Variants in PTPRT observed in about 807,000 individuals in gnomAD.
The protein encoded by PTPRT is receptor-type tyrosine-protein phosphatase T.
PTPRT carries 56 observed loss-of-function variants against 176.8 expected under a neutral mutation model. The observed-to-expected ratio is 0.32, with a 90% CI of 0.26 to 0.40. The LOEUF (loss-of-function observed/expected upper bound fraction) is 0.40. PTPRT is among the 10% of genes least tolerant of loss of function. The probability of loss-of-function intolerance (pLI) is 1.00; values close to 1 mark genes in which losing one functional copy is unlikely to be tolerated. For synonymous variants in PTPRT, 783 were observed against 739.0 expected (o/e 1.06, Z -0.96); for missense variants, 1,540 against 1,908.2 (o/e 0.81, Z 3.60).
At chr20:42,995,534 C>T (rs557313906) in intron 1 of PTPRT, among the ~76,000 whole-genome samples, 1 of 152,068 alleles carries the variant, frequency 6.6e-6, no homozygotes, top group South Asian at 2.1e-4. Context: ...CTCCTTGGGC[C>T]CAATGTGCCA....
intron 17 of PTPRT, among the ~76,000 whole-genome samples, chr20:42,159,676 A>G (rs943256467): frequency 6.6e-6 from 1 of 152,188 alleles, no homozygotes; most frequent in Non-Finnish European, 1.5e-5. Context: ...TATTTTACTT[A>G]GACCGTTTTT....
chr20:42,300,224 C>T (rs917660894), intron 12 of PTPRT, among the ~76,000 whole-genome samples: 38 of 145,708 alleles, frequency 2.6e-4, no homozygotes, highest in Non-Finnish European at 4.9e-4. Flanking sequence ...CGCCATTGTA[C>T]TCCGGCCTGG....
intron 9 of PTPRT, among the ~76,000 whole-genome samples, chr20:42,401,731 G>T (rs2058910260): frequency 6.6e-6 from 1 of 151,732 alleles, no homozygotes; most frequent in African/African-American, 2.4e-5. Context: ...CCCAGTACAG[G>T]CTTAACCAAA....
At chr20:42,491,676 C>T (rs1441400980) in intron 7 of PTPRT, among the ~76,000 whole-genome samples, 1 of 152,178 alleles carries the variant, frequency 6.6e-6, no homozygotes, top group Non-Finnish European at 1.5e-5. Context: ...GAGAGTGAAT[C>T]CTCGTCACAC....
At chr20:43,130,728 C>T (rs1373252868) in intron 1 of PTPRT, among the ~76,000 whole-genome samples, 2 of 150,480 alleles carry the variant, frequency 1.3e-5, no homozygotes, top group Non-Finnish European at 2.9e-5. Flanking sequence ...AGGCCAAGGG[C>T]TCTGAGAGTC....
intron 12 of PTPRT, among the ~76,000 whole-genome samples, chr20:42,300,551 T>C (rs780611815): frequency 7.2e-5 from 11 of 151,840 alleles, no homozygotes; most frequent in Admixed American, 1.3e-4. Flanking sequence ...CTGGGACAAT[T>C]TGAGCATAAA....
intron 1 of PTPRT, among the ~76,000 whole-genome samples, chr20:43,069,891 T>C (rs1048242282): frequency 2.6e-5 from 4 of 152,110 alleles, no homozygotes; most frequent in Non-Finnish European, 5.9e-5. Context: ...TGGAAAAGCA[T>C]CCTATTTTGC....
the PTPRT span, among the ~76,000 whole-genome samples, chr20:42,067,168 A>G: frequency 1.3e-5 from 2 of 152,020 alleles, no homozygotes; most frequent in East Asian, 3.9e-4. Flanking sequence ...AAGGGAAGGG[A>G]TAGTTGAGAT....
In PTPRT at chr20:42,783,375, C is replaced by CAA. The variant is rs11321200; in HGVS notation, c.487-3078_487-3077dup. 1.5e-3 allele frequency among the ~76,000 whole-genome samples: 221 copies of CAA among 146,284 alleles called. 1 individual carries two copies. Among genetic ancestry groups the CAA allele is most frequent in the African/African-American group, 5.4e-3 (208 of 38,468 alleles). On this transcript the variant is annotated intron_variant, in intron 3 of 30. Transcript: ENST00000373187. Reference sequence around the variant, plus strand: ...TGTGTAAAGGACTCTTGAGAATCAACAAAAAAAAAAACCCAAATCATTCAA... The same window carrying CAA: ...TGTGTAAAGGACTCTTGAGAATCAACAAAAAAAAAAAAACCCAAATCATTCAA...
chr20:42,199,428 G>A (rs1458259741), intron 15 of PTPRT, 40 bp from the exon 16 acceptor site: 1 of 1,600,592 alleles, frequency 6.2e-7, no homozygotes, highest in South Asian at 1.1e-5. Flanking sequence ...ACAGTCAGAT[G>A]GTGCCAGTTG....
At chr20:42,794,082 A>T (rs1166926302) in intron 2 of PTPRT, among the ~76,000 whole-genome samples, 1 of 152,004 alleles carries the variant, frequency 6.6e-6, no homozygotes, top group African/African-American at 2.4e-5. Context: ...ACTTCTTTCC[A>T]TCCTAGCTTC....
At chr20:42,368,827 G>T (rs1450769494) in intron 9 of PTPRT, among the ~76,000 whole-genome samples, 1 of 152,150 alleles carries the variant, frequency 6.6e-6, no homozygotes, top group Non-Finnish European at 1.5e-5. Flanking sequence ...CTCCCATGGA[G>T]ACCTGCTCAT....
At chr20:42,199,575 T>A (rs1360024964) in intron 15 of PTPRT, among the ~76,000 whole-genome samples, 187 bp from the exon 16 acceptor site, 1 of 152,220 alleles carries the variant, frequency 6.6e-6, no homozygotes, top group Non-Finnish European at 1.5e-5. Context: ...AGACTCACGC[T>A]GCTGCCTCAC....
chr20:42,305,741 C>A (rs190336681), intron 12 of PTPRT, among the ~76,000 whole-genome samples: 2 of 152,192 alleles, frequency 1.3e-5, no homozygotes, highest in Non-Finnish European at 2.9e-5. Context: ...AAGGACACAT[C>A]TCATCCCTGT....
chr20:42,991,397 T>A (rs1446183698), intron 1 of PTPRT, among the ~76,000 whole-genome samples: 1 of 149,632 alleles, frequency 6.7e-6, no homozygotes. Context: ...ACATAATACA[T>A]AAATGAATGA....
Position 42,118,478 on chromosome 20 carries a change from C to T in PTPRT, c.2907G>A (p.Lys969=), listed in dbSNP as rs1438662626. ...CCTGCCAGATCATTCTCCAAAAGTC[C>T]TTTACAGTCTCCTGCATCGGACCTG... is the stretch of plus-strand genomic sequence containing the variant. ...ATQGPMQETV[K]DFWRMIWQEN... is the part of the protein sequence containing the mutation. Residue 969 remains lysine, a synonymous_variant, in exon 21 of 31, where the codon AAG becomes AAA. Coordinates refer to ENST00000373187, the MANE Select transcript of PTPRT (RefSeq NM_007050.6). The T allele has an allele frequency of 6.2e-7, 1 of 1,612,344 alleles. No individual in the cohort carries two copies. Among genetic ancestry groups the T allele is most frequent in the East Asian group, 2.2e-5 (1 of 44,774 alleles).
chr20:42,583,231 C>A (rs1180444062), intron 7 of PTPRT, among the ~76,000 whole-genome samples: 2 of 152,120 alleles, frequency 1.3e-5, no homozygotes, highest in Non-Finnish European at 2.9e-5. Context: ...CTAAATAGAA[C>A]TTTGGGGAAT....
intron 1 of PTPRT, among the ~76,000 whole-genome samples, chr20:43,016,804 T>C (rs1353176790): frequency 1.3e-5 from 2 of 151,920 alleles, no homozygotes; most frequent in Non-Finnish European, 2.9e-5. Flanking sequence ...CCCAAAGTGC[T>C]GGGACTGCAG....
At chr20:42,641,461 T>C (rs1292330634) in intron 7 of PTPRT, among the ~76,000 whole-genome samples, 2 of 152,106 alleles carry the variant, frequency 1.3e-5, no homozygotes, top group African/African-American at 2.4e-5. Context: ...GTCTCCTCGC[T>C]CCCTCGCCTG....
Sources: allele counts gnomAD v4.1 joint callset (sites outside exome capture counted in the v4.1 genomes callset), GRCh38; gene constraint gnomAD v4.1.1; transcripts MANE v1.5; gene names NCBI Gene and HGNC (gene_info 2026-07-23, HGNC 2026-07-21).